Variants in TET3 observed in about 807,000 individuals in gnomAD.
TET3 encodes the protein tet methylcytosine dioxygenase 3, also known as methylcytosine dioxygenase TET3.
A neutral mutation model predicts 141.4 loss-of-function variants in TET3; 19 were observed. The ratio of observed to expected loss-of-function variants is 0.13; its 90% CI spans 0.09 to 0.20. TET3 has a LOEUF of 0.20. Ranked by LOEUF, TET3 falls within the 10% of genes least tolerant of loss-of-function variation. The pLI is 1.00. For synonymous variants in TET3, 1,043 were observed against 980.9 expected (o/e 1.06, Z -1.18); for missense variants, 1,874 against 2,356.9 (o/e 0.80, Z 4.24).
rs1481898993 is a variant in TET3, at chr2:74,107,596, A to G, written c.*5420A>G. ...TGTCATTTCTTTTTCATGTATTCCA[A>G]TTAAAGAAACAAGGGCAGGTCGTAT... On this transcript the variant is annotated 3_prime_UTR_variant, in exon 12 of 12. Coordinates refer to ENST00000409262, the MANE Select transcript of TET3 (RefSeq NM_001287491.2). 6.6e-6 allele frequency: 1 copy of G among 152,150 alleles called. No individual in the cohort carries two copies. Among genetic ancestry groups the G allele is most frequent in the Non-Finnish European group, 1.5e-5 (1 of 68,038 alleles). 9.4% of individuals were successfully genotyped at this position (152,150 alleles called of 1,614,324 possible).
At chr2:74,078,221 C>T (rs1023724637) in intron 5 of TET3, among the ~76,000 whole-genome samples, 2 of 152,074 alleles carry the variant, frequency 1.3e-5, no homozygotes, top group Non-Finnish European at 2.9e-5. Flanking sequence ...AAATTATAAA[C>T]TGTTCTCTTT....
chr2:74,071,109 C>T (rs1483573702), intron 4 of TET3, among the ~76,000 whole-genome samples: 1 of 152,156 alleles, frequency 6.6e-6, no homozygotes, highest in Non-Finnish European at 1.5e-5. Flanking sequence ...AGCTTGTAGA[C>T]AGCCACCTCC....
chr2:73,990,483 C>T (rs1039991784), intron 2 of TET3, among the ~76,000 whole-genome samples: 2 of 152,054 alleles, frequency 1.3e-5, no homozygotes, highest in Admixed American at 1.3e-4. Context: ...GGGGAGGAGG[C>T]TAGACACCAA....
chr2:74,050,045 G>A (rs909912966), intron 4 of TET3, among the ~76,000 whole-genome samples: 7 of 152,254 alleles, frequency 4.6e-5, no homozygotes, highest in African/African-American at 1.2e-4. Context: ...TGTCCCATCC[G>A]CCTGTGTTTA....
chr2:74,036,100 T>C (rs1199251326), intron 3 of TET3, among the ~76,000 whole-genome samples: 1 of 152,226 alleles, frequency 6.6e-6, no homozygotes. Context: ...TACCTGGTAC[T>C]GTTATAAATG....
intron 3 of TET3, among the ~76,000 whole-genome samples, chr2:74,028,378 A>G (rs540719763): frequency 6.6e-6 from 1 of 151,970 alleles, no homozygotes; most frequent in East Asian, 1.9e-4. Flanking sequence ...TTGGTCTCAT[A>G]TCTGAGAAAG....
At chr2:74,065,148 C>G (rs1688812271) in intron 4 of TET3, among the ~76,000 whole-genome samples, 1 of 152,164 alleles carries the variant, frequency 6.6e-6, no homozygotes, top group African/African-American at 2.4e-5. Context: ...ATAGTATTGC[C>G]ATGGTTTAAG....
intron 4 of TET3, among the ~76,000 whole-genome samples, chr2:74,067,936 TATA>T (rs1320071400): frequency 6.6e-6 from 1 of 152,180 alleles, no homozygotes; most frequent in Non-Finnish European, 1.5e-5. Flanking sequence ...TCCAGCGTGG[TATA>T]ATAATGGAAA....
chr2:73,989,929 G>A (rs1460244286), intron 2 of TET3, among the ~76,000 whole-genome samples: 1 of 152,090 alleles, frequency 6.6e-6, no homozygotes, highest in Non-Finnish European at 1.5e-5. Flanking sequence ...ATTGTAAGAT[G>A]GGAGTAACCC....
chr2:74,080,565 T>A lies in TET3; in HGVS notation c.2653T>A (p.Ser885Thr). Residue 885 changes from serine (S) to threonine (T), a missense_variant, in exon 6 of 12, where the codon TCC (serine) becomes ACC (threonine). Coordinates refer to ENST00000409262, the MANE Select transcript of TET3 (RefSeq NM_001287491.2). Reference protein sequence around the residue: ...VIYTGKEGKSSRGCPIAKWVI... With the variant: ...VIYTGKEGKSTRGCPIAKWVI... The stretch of plus-strand genomic sequence containing the variant: ...CTACACGGGGAAGGAGGGAAAGAGC[T>A]CCCGCGGTTGCCCCATTGCAAAGTG... 6.2e-7 allele frequency: 1 copy of A among 1,612,666 alleles called. No homozygotes were observed. The highest frequency in any genetic ancestry group is 8.5e-7 in the Non-Finnish European group (1 of 1,179,392).
At chr2:74,086,791 TAAAAAAAAAA>T (rs33942081) in intron 6 of TET3, among the ~76,000 whole-genome samples, 1 of 94,056 alleles carries the variant, frequency 1.1e-5, no homozygotes, top group Non-Finnish European at 2.1e-5. Flanking sequence ...ACCCTGACTC[TAAAAAAAAAA>T]AAAAAAAAAA....
At chr2:74,124,411 A>G in the TET3 span, among the ~76,000 whole-genome samples, 2 of 150,678 alleles carry the variant, frequency 1.3e-5, no homozygotes, top group Admixed American at 6.6e-5. Context: ...GCCTCTGCCC[A>G]GCCGCCACCC....
chr2:74,040,082 C>T (rs1163632769), intron 3 of TET3, among the ~76,000 whole-genome samples: 2 of 152,134 alleles, frequency 1.3e-5, no homozygotes, highest in African/African-American at 2.4e-5. Flanking sequence ...GTATGTCACA[C>T]GTATTAAGCA....
At position 74,101,930 on chromosome 2, in the gene TET3, G is replaced by A; in HGVS notation, c.5142G>A (p.Lys1714=). 6.2e-7 allele frequency: 1 copy of A among 1,613,366 alleles called. No homozygotes were observed. Among genetic ancestry groups the A allele is most frequent in the Non-Finnish European group, 8.5e-7 (1 of 1,179,706 alleles). ...HGLALWEAKM[K]QLAERARARQ... ...TGGCCCTCTGGGAAGCCAAGATGAA[G>A]CAGCTGGCGGAGAGGGCACGGGCAC... Residue 1714 remains lysine (K), a synonymous_variant, in exon 12 of 12, where the codon AAG becomes AAA. Coordinates refer to ENST00000409262, the MANE Select transcript of TET3 (RefSeq NM_001287491.2). This position sits in a 1 kb window ranked among gnomAD's most constrained non-coding sequence, Gnocchi z 8.5.
chr2:74,010,509 G>C (rs1685375036), intron 3 of TET3, among the ~76,000 whole-genome samples: 1 of 152,192 alleles, frequency 6.6e-6, no homozygotes, highest in Non-Finnish European at 1.5e-5. Context: ...AACGAGTTTG[G>C]TGGTTCTCAG....
the TET3 span, chr2:74,134,375 C>A: frequency 3.9e-6 from 1 of 253,674 alleles, no homozygotes; most frequent in Non-Finnish European, 7.9e-6. Context: ...CTTCCCAACC[C>A]CACTGTGCAG....
At chr2:74,065,283 C>CT (rs374762579) in intron 4 of TET3, among the ~76,000 whole-genome samples, 25 of 152,236 alleles carry the variant, frequency 1.6e-4, no homozygotes, top group Non-Finnish European at 3.4e-4. Flanking sequence ...CCTCTTTTCT[C>CT]TTTTTTGAGC....
At chr2:74,097,315 G>A (rs935654632) in intron 10 of TET3, among the ~76,000 whole-genome samples, 9 of 151,522 alleles carry the variant, frequency 5.9e-5, no homozygotes, top group African/African-American at 7.3e-5. Flanking sequence ...TATTTGTAAC[G>A]TGATAAAGAA....
At position 74,048,143 on chromosome 2, in the gene TET3, C is replaced by T; in HGVS notation, c.2226C>T (p.Leu742=). The T allele has an allele frequency of 1.2e-6, 2 of 1,613,160 alleles. No individual in the cohort carries two copies. Among genetic ancestry groups the T allele is most frequent in the South Asian group, 1.1e-5 (1 of 91,000 alleles). The change falls in exon 4 of 12, where the codon CTC becomes CTT. Residue 742 remains leucine, a synonymous_variant. Coordinates refer to ENST00000409262, the MANE Select transcript of TET3 (RefSeq NM_001287491.2). ...ACCCCGAGAACCAGCAAACATGTCTCCCAGCCCCTGAGAGCCCCTTTGCTA... is the reference window on the plus strand; with the variant it reads ...ACCCCGAGAACCAGCAAACATGTCTTCCAGCCCCTGAGAGCCCCTTTGCTA... ...IQDPENQQTC[L]PAPESPFATR...
Sources: gnomAD v4.1 joint callset for allele counts (sites outside exome capture counted in the v4.1 genomes callset) on GRCh38, gnomAD v4.1.1 for gene constraint, Gnocchi (gnomAD v3.1) non-coding constraint, MANE v1.5 for transcripts, NCBI Gene and HGNC (gene_info 2026-07-23, HGNC 2026-07-21) for gene names.